The following CFTR variants were observed in gnomAD, a reference collection of about 807,000 sequenced individuals.
CFTR encodes the protein CF transmembrane conductance regulator.
Under a neutral mutation model 171.6 loss-of-function variants are expected in CFTR, and 181 were observed. That is an observed-to-expected ratio of 1.05 (90% CI 0.93 to 1.19). CFTR has a LOEUF of 1.19. Among genes scored for constraint, CFTR ranks in the 50% most tolerant of loss-of-function variants. CFTR has a pLI of 0.00. For synonymous variants in CFTR, 583 were observed against 608.0 expected, an observed-to-expected ratio of 0.96 and a Z score of 0.60; for missense variants, 1,968 against 1,734.7, an observed-to-expected ratio of 1.13 and a Z score of -2.39.
intron 11 of CFTR, among the ~76,000 whole-genome samples, chr7:117,564,944 AC>A (rs1791576644): frequency 6.6e-6 from 1 of 152,188 alleles, no homozygotes; most frequent in Non-Finnish European, 1.5e-5. Flanking sequence ...TTGATAGAAA[AC>A]TTGTAATGTA....
chr7:117,582,437 C>T lies in CFTR; in HGVS notation c.1585-5302C>T, dbSNP rs1791862443. Among the ~76,000 whole-genome samples the T allele has an allele frequency of 2.6e-5, 4 of 152,132 alleles. No homozygotes were observed. In the South Asian group the frequency reaches 6.2e-4, roughly 24 times the overall value. On this transcript the variant is annotated intron_variant, in intron 11 of 26. Coordinates refer to ENST00000003084, the MANE Select transcript of CFTR (RefSeq NM_000492.4). ...CTCAGCAGTGACTCAGGAGAAAGGA[C>T]ACTTGGATGCATTTCTTTATGGCAT... is the stretch of plus-strand genomic sequence containing the variant.
intron 11 of CFTR, among the ~76,000 whole-genome samples, chr7:117,584,733 G>A (rs1196903487): frequency 3.9e-5 from 6 of 152,018 alleles, no homozygotes; most frequent in African/African-American, 1.2e-4. Context: ...GATGGGAATT[G>A]TATTGAATTT....
intron 11 of CFTR, among the ~76,000 whole-genome samples, chr7:117,576,630 A>T (rs76562774): frequency 2.6e-5 from 4 of 152,016 alleles, no homozygotes; most frequent in African/African-American, 9.7e-5. Flanking sequence ...AACTTTTTTT[A>T]TTACTTAGGA....
chr7:117,508,814 A>G (rs937974138), intron 2 of CFTR, among the ~76,000 whole-genome samples: 4 of 152,234 alleles, frequency 2.6e-5, no homozygotes, highest in African/African-American at 9.6e-5. Context: ...CTTTTCATGA[A>G]ATCAATTCCC....
chr7:117,484,627 G>A (rs1798044302), intron 1 of CFTR, among the ~76,000 whole-genome samples: 1 of 151,928 alleles, frequency 6.6e-6, no homozygotes, highest in Non-Finnish European at 1.5e-5. Context: ...ATTTTGATTA[G>A]CTTAACTCTC....
chr7:117,597,662 G>A (rs1437792004), intron 15 of CFTR, among the ~76,000 whole-genome samples: 3 of 152,180 alleles, frequency 2.0e-5, no homozygotes, highest in Non-Finnish European at 1.5e-5. Flanking sequence ...CACAGAATGA[G>A]ATTAAAAGTA....
Position 117,504,349 on chromosome 7 carries a change from T to C in CFTR, c.150T>C (p.Ser50=). ...IPSVDSADNL[S]EKLEREWDRE... ...CTGTTGATTCTGCTGACAATCTATCTGAAAAATTGGAAAGGTATGTTCATG... is the reference window on the plus strand; with the variant it reads ...CTGTTGATTCTGCTGACAATCTATCCGAAAAATTGGAAAGGTATGTTCATG... The change falls in exon 2 of 27, where the codon TCT becomes TCC. Residue 50 remains serine (S), a synonymous_variant. Coordinates refer to ENST00000003084, the MANE Select transcript of CFTR (RefSeq NM_000492.4). 2 of 1,573,854 alleles carry C rather than the reference T, an allele frequency of 1.3e-6. No homozygotes were observed. Among genetic ancestry groups the C allele is most frequent in the Non-Finnish European group, 1.7e-6 (2 of 1,143,456 alleles).
rs545091790 is a variant in CFTR at position 117,565,118 on chromosome 7, T to C, written c.1584+5463T>C. Among the ~76,000 whole-genome samples the C allele has an allele frequency of 7.2e-5, 11 of 152,342 alleles. No homozygotes were observed. The South Asian group carries it at 2.3e-3, about 32-fold the overall frequency. ...ATTTTAAAATACTATTACGTATCCC[T>C]GTGCCCATTAACTTATCCTACCATT... On this transcript the variant is annotated intron_variant, in intron 11 of 26. Coordinates refer to ENST00000003084, the MANE Select transcript of CFTR (RefSeq NM_000492.4).
intron 22 of CFTR, among the ~76,000 whole-genome samples, chr7:117,632,525 T>C (rs2116141737): frequency 6.8e-6 from 1 of 146,040 alleles, no homozygotes; most frequent in Non-Finnish European, 1.5e-5. Context: ...ATGGCACCAC[T>C]ACAGCCTGGA....
intron 11 of CFTR, among the ~76,000 whole-genome samples, chr7:117,569,838 A>T (rs75795346): frequency 0.01 from 1,587 of 152,274 alleles, 15 homozygotes; most frequent in Middle Eastern, 0.024. Flanking sequence ...AAAAATACTT[A>T]ATTGAGTTAC....
chr7:117,572,757 A>T (rs1791713826), intron 11 of CFTR, among the ~76,000 whole-genome samples: 1 of 152,168 alleles, frequency 6.6e-6, no homozygotes, highest in African/African-American at 2.4e-5. Context: ...ATCAAATATT[A>T]ATAACAATGA....
chr7:117,593,326 GT>G (rs1190378305), intron 14 of CFTR, among the ~76,000 whole-genome samples: 1 of 152,132 alleles, frequency 6.6e-6, no homozygotes, highest in African/African-American at 2.4e-5. Flanking sequence ...AAAAAGGAGA[GT>G]TTTTGTTGTT....
At position 117,546,086 on chromosome 7, in the gene CFTR, C is replaced by T. The variant is rs35913327; in HGVS notation, c.1210-2555C>T. ...TTGGCTCACTGGAACCTCTGCTGCC[C>T]GGGTTCAAGCGATTCTCCTGCCTCA... is the stretch of plus-strand genomic sequence containing the variant. On this transcript the variant is annotated intron_variant, in intron 9 of 26. Transcript: ENST00000003084. 5.5e-3 allele frequency among the ~76,000 whole-genome samples: 832 copies of T among 152,000 alleles called. 7 individuals are homozygous for T. The highest frequency in any genetic ancestry group is 0.019 in the African/African-American group (768 of 41,444).
In CFTR at chr7:117,525,784, GTGAGATGGGTTTCC is replaced by G. The variant is rs1423229997; in HGVS notation, c.274-5111_274-5098del. On this transcript the variant is annotated intron_variant, in intron 3 of 26. Coordinates refer to ENST00000003084, the MANE Select transcript of CFTR (RefSeq NM_000492.4). ...TTTGAGCCTATGTGTGTCTCTGCAC[GTGAGATGGGTTTCC>G]TGAATACAGCACACTGATGGGTCTT... Among the ~76,000 whole-genome samples, 427 of 125,728 alleles carry G rather than the reference GTGAGATGGGTTTCC, an allele frequency of 3.4e-3. 2 individuals are homozygous for G. Among genetic ancestry groups the G allele is most frequent in the African/African-American group, 9.8e-3 (302 of 30,946 alleles). The allele number at this position is 125,728 out of a possible 152,430, so 82.5% of individuals were successfully genotyped here. A position where few individuals can be genotyped will look rare whatever the true frequency, so the allele number is the denominator to read the frequency against.
Position 117,504,282 on chromosome 7 carries a change from A to G in CFTR, c.83A>G (p.Tyr28Cys). ...ACCAGACCAATTTTGAGGAAAGGAT[A>G]CAGACAGCGCCTGGAATTGTCAGAC... ...SWTRPILRKG[Y>C]RQRLELSDIY... Residue 28 changes from tyrosine to cysteine, a missense_variant, in exon 2 of 27, where the codon TAC becomes TGC. Coordinates refer to ENST00000003084, the MANE Select transcript of CFTR (RefSeq NM_000492.4). The G allele has an allele frequency of 1.2e-6, 2 of 1,611,608 alleles. No individual in the cohort carries two copies. Among genetic ancestry groups the G allele is most frequent in the Non-Finnish European group, 1.7e-6 (2 of 1,177,806 alleles).
intron 3 of CFTR, among the ~76,000 whole-genome samples, chr7:117,510,721 G>C (rs916715939): frequency 1.3e-5 from 2 of 152,126 alleles, no homozygotes; most frequent in East Asian, 3.8e-4. Context: ...GTCAAAGTTT[G>C]TATGATACAT....
chr7:117,584,063 G>A (rs992756402), intron 11 of CFTR, among the ~76,000 whole-genome samples: 1 of 151,688 alleles, frequency 6.6e-6, no homozygotes, highest in Non-Finnish European at 1.5e-5. Context: ...TGTAGATCCT[G>A]GATACTAGTC....
In CFTR at chr7:117,480,065, C is replaced by G; in HGVS notation, c.-30C>G. 6.2e-7 allele frequency: 1 copy of G among 1,611,302 alleles called. No individual in the cohort carries two copies. Among genetic ancestry groups the G allele is most frequent in the East Asian group, 2.2e-5 (1 of 44,840 alleles). On this transcript the variant is annotated 5_prime_UTR_variant, in exon 1 of 27. Transcript: ENST00000003084. ...CATTAGGAGCTTGAGCCCAGACGGC[C>G]CTAGCAGGGACCCCAGCGCCCGAGA...
At chr7:117,574,294 G>A (rs1791740586) in intron 11 of CFTR, among the ~76,000 whole-genome samples, 1 of 151,818 alleles carries the variant, frequency 6.6e-6, no homozygotes, top group Non-Finnish European at 1.5e-5. Context: ...TTAATAGCAG[G>A]ATATTGGTAT....
Sources: gnomAD v4.1 joint callset for allele counts (sites outside exome capture counted in the v4.1 genomes callset) on GRCh38, gnomAD v4.1.1 for gene constraint, MANE v1.5 for transcripts, NCBI Gene and HGNC (gene_info 2026-07-23, HGNC 2026-07-21) for gene names.